The following RFX3 variants were observed in gnomAD, a reference collection of about 807,000 sequenced individuals.
The protein encoded by RFX3 is regulatory factor X3, also known as transcription factor RFX3.
In RFX3, 14 loss-of-function variants were observed where a neutral mutation model predicts 98.6. That is an observed-to-expected ratio of 0.14 (90% confidence interval 0.09 to 0.22). The LOEUF (loss-of-function observed/expected upper bound fraction) is 0.22. Ranked by LOEUF, RFX3 falls within the 10% of genes least tolerant of loss-of-function variation. The pLI is 1.00. For synonymous variants in RFX3, 383 were observed against 328.4 expected, an observed-to-expected ratio of 1.17 and a Z score of -1.80; for missense variants, 639 against 926.9, an observed-to-expected ratio of 0.69 and a Z score of 4.03.
At chr9:3,262,820 T>A in intron 13 of RFX3, 115 bp downstream of exon 13, 1 of 1,072,454 alleles carries the variant, frequency 9.3e-7, no homozygotes, top group South Asian at 1.5e-5. Context: ...ACACTGTGAA[T>A]ATAGATGCTG....
At chr9:3,301,728 C>T (rs569594100) in intron 4 of RFX3, 108 bp from the exon 5 acceptor site, 164 of 707,358 alleles carry the variant, frequency 2.3e-4, no homozygotes, top group Non-Finnish European at 3.6e-4. Flanking sequence ...CCTCAACGGT[C>T]GTTAATGAAC....
intron 2 of RFX3, among the ~76,000 whole-genome samples, chr9:3,383,543 G>GT: frequency 6.7e-6 from 1 of 148,428 alleles, no homozygotes; most frequent in East Asian, 1.9e-4. Flanking sequence ...ATGACTCTTG[G>GT]CCAAAAAAAA....
intron 1 of RFX3, among the ~76,000 whole-genome samples, chr9:3,416,056 C>T (rs1842949233): frequency 6.6e-6 from 1 of 152,184 alleles, no homozygotes; most frequent in Non-Finnish European, 1.5e-5. Context: ...TGATTAAAGT[C>T]TGCAGAGATA....
At chr9:3,501,614 T>TG (rs1310424055) in intron 1 of RFX3, among the ~76,000 whole-genome samples, 2 of 149,046 alleles carry the variant, frequency 1.3e-5, no homozygotes, top group Non-Finnish European at 3.0e-5. Flanking sequence ...TGGAGTGCAG[T>TG]GGTGCAATGT....
chr9:3,230,184 C>T, intron 15 of RFX3, among the ~76,000 whole-genome samples: 1 of 152,160 alleles, frequency 6.6e-6, no homozygotes, highest in East Asian at 1.9e-4. Flanking sequence ...TGTCATTTCA[C>T]CTTTATTTCT....
At chr9:3,489,781 C>T (rs1165322625) in intron 1 of RFX3, among the ~76,000 whole-genome samples, 3 of 152,128 alleles carry the variant, frequency 2.0e-5, no homozygotes, top group Non-Finnish European at 2.9e-5. Flanking sequence ...CTATGAGTCT[C>T]ATATTTGTGC....
chr9:3,335,820 T>C (rs1833114418), intron 3 of RFX3, among the ~76,000 whole-genome samples: 1 of 152,212 alleles, frequency 6.6e-6, no homozygotes, highest in Admixed American at 6.5e-5. Flanking sequence ...AGGACTCTGA[T>C]TCATTGAATT....
intron 2 of RFX3, among the ~76,000 whole-genome samples, chr9:3,362,674 G>T (rs1261494231): frequency 2.6e-5 from 4 of 152,178 alleles, no homozygotes; most frequent in Non-Finnish European, 4.4e-5. Context: ...TTCTTGAGAA[G>T]AATAATATGA....
intron 1 of RFX3, among the ~76,000 whole-genome samples, chr9:3,461,757 T>C (rs1847708498): frequency 6.6e-6 from 1 of 151,982 alleles, no homozygotes; most frequent in Non-Finnish European, 1.5e-5. Context: ...GTCATATCTA[T>C]GGCTTATTGA....
intron 1 of RFX3, among the ~76,000 whole-genome samples, chr9:3,422,727 C>T (rs1194471923): frequency 6.6e-6 from 1 of 151,978 alleles, no homozygotes; most frequent in Non-Finnish European, 1.5e-5. Context: ...ATATGGTATT[C>T]AAAAAATGTG....
Position 3,222,537 on chromosome 9 carries a change from T to C in RFX3, c.*2505A>G, listed in dbSNP as rs1817391714. On this transcript the variant is annotated 3_prime_UTR_variant, in exon 17 of 17. Coordinates refer to ENST00000617270, the MANE Select transcript of RFX3 (RefSeq NM_001282116.2). Reference sequence around the variant, plus strand: ...ATTTAAAGTCATTCAATAAACAAAATGAAACCAGTAAATACATTTGGTCCA... The same window carrying C: ...ATTTAAAGTCATTCAATAAACAAAACGAAACCAGTAAATACATTTGGTCCA... The C allele has an allele frequency of 6.6e-6, 1 of 151,990 alleles. No individual in the cohort carries two copies. The allele number at this position is 151,990 out of a possible 1,614,324, so 9.4% of individuals were successfully genotyped here.
At chr9:3,480,625 T>C (rs1298116558) in intron 1 of RFX3, among the ~76,000 whole-genome samples, 2 of 152,166 alleles carry the variant, frequency 1.3e-5, no homozygotes, top group Non-Finnish European at 1.5e-5. Context: ...TGAGCAATTA[T>C]AGTCAGATTC....
chr9:3,463,784 G>A (rs565839379), intron 1 of RFX3, among the ~76,000 whole-genome samples: 10 of 151,944 alleles, frequency 6.6e-5, no homozygotes, highest in South Asian at 6.2e-4. Flanking sequence ...CAGCCTGGGC[G>A]ACATAGGGAG....
At chr9:3,309,347 C>G (rs967346894) in intron 4 of RFX3, among the ~76,000 whole-genome samples, 2 of 152,130 alleles carry the variant, frequency 1.3e-5, no homozygotes, top group Non-Finnish European at 2.9e-5. Flanking sequence ...TACAGGGCAC[C>G]TATTATCTCC....
chr9:3,465,583 C>T (rs979337223), intron 1 of RFX3, among the ~76,000 whole-genome samples: 7 of 151,412 alleles, frequency 4.6e-5, no homozygotes, highest in South Asian at 2.1e-4. Flanking sequence ...AGATTACAAG[C>T]GTGAGCCGCT....
intron 2 of RFX3, among the ~76,000 whole-genome samples, chr9:3,362,965 T>C (rs1427383372): frequency 6.6e-6 from 1 of 152,204 alleles, no homozygotes; most frequent in Non-Finnish European, 1.5e-5. Flanking sequence ...TTACATAAAA[T>C]ACATAAACCT....
chr9:3,335,881 C>G (rs2130967390), intron 3 of RFX3, among the ~76,000 whole-genome samples: 1 of 152,276 alleles, frequency 6.6e-6, no homozygotes, highest in East Asian at 1.9e-4. Context: ...TACACCTTGG[C>G]TAAGGGTGAC....
intron 4 of RFX3, among the ~76,000 whole-genome samples, chr9:3,312,101 G>C (rs1213637566): frequency 1.3e-5 from 2 of 152,124 alleles, no homozygotes; most frequent in African/African-American, 4.8e-5. Context: ...GAATAGAGTA[G>C]AAAATAACCA....
At chr9:3,518,710 G>A (rs1818419046) in intron 1 of RFX3, among the ~76,000 whole-genome samples, 1 of 152,120 alleles carries the variant, frequency 6.6e-6, no homozygotes, top group Non-Finnish European at 1.5e-5. Flanking sequence ...ACTTGAAAAT[G>A]TTACTTAAAC....
Sources: allele counts gnomAD v4.1 joint callset (sites outside exome capture counted in the v4.1 genomes callset), GRCh38; gene constraint gnomAD v4.1.1; transcripts MANE v1.5; gene names NCBI Gene and HGNC (gene_info 2026-07-23, HGNC 2026-07-21).